Variants in CNTNAP3B observed in about 807,000 individuals in gnomAD.
The protein encoded by CNTNAP3B is contactin associated protein family member 3B.
In CNTNAP3B, 25 loss-of-function variants were observed where a neutral mutation model predicts 108.9. That is an observed-to-expected ratio of 0.23 (90% confidence interval 0.17 to 0.32). CNTNAP3B has a LOEUF of 0.32. Among genes scored for constraint, CNTNAP3B ranks in the 10% least tolerant of loss-of-function variants. CNTNAP3B has a pLI of 1.00. For missense variants in CNTNAP3B, 252 were observed against 1,210.4 expected (o/e 0.21, Z 11.75); for synonymous variants, 103 against 473.4 (o/e 0.22, Z 10.16).
At chr9:42,116,112 G>A (rs193247467) in intron 1 of CNTNAP3B, among the ~76,000 whole-genome samples, 1,888 of 139,548 alleles carry the variant, frequency 0.014, 278 homozygotes, top group Non-Finnish European at 0.02. Flanking sequence ...CTGGAAGAAA[G>A]GGTATCAGTG....
Position 41,953,395 on chromosome 9 carries a change from A to G in CNTNAP3B, c.1877-9T>C, listed in dbSNP as rs1178502732. 1 of 1,535,806 alleles carries G rather than the reference A, an allele frequency of 6.5e-7. No homozygotes were observed. ...CGTCCACGCGGAGTCTGCTGAGCAG[A>G]AACGGGCAAAGGAGAGGCATCACTG... On this transcript the variant is annotated splice_polypyrimidine_tract_variant and intron_variant, in intron 12 of 23. Coordinates refer to ENST00000377561, the MANE Select transcript of CNTNAP3B (RefSeq NM_001201380.3).
chr9:42,088,663 G>A (rs1374779723), intron 2 of CNTNAP3B, among the ~76,000 whole-genome samples: 1 of 137,962 alleles, frequency 7.2e-6, no homozygotes, highest in South Asian at 2.4e-4. Context: ...ATTGTCATAT[G>A]CTACAAATCT....
intron 9 of CNTNAP3B, among the ~76,000 whole-genome samples, chr9:41,974,121 A>AG (rs1299554500): frequency 9.6e-6 from 1 of 104,454 alleles, no homozygotes; most frequent in Non-Finnish European, 1.9e-5. Flanking sequence ...CTGGGATTAC[A>AG]GGTGAGAGCC....
At chr9:41,941,975 C>T (rs1183990578) in intron 13 of CNTNAP3B, among the ~76,000 whole-genome samples, 3 of 152,296 alleles carry the variant, frequency 2.0e-5, no homozygotes, top group South Asian at 2.1e-4. Flanking sequence ...AAGCGCTGAA[C>T]ATTATGTTCT....
In CNTNAP3B at chr9:42,127,147, T is replaced by C. The variant is rs543209906; in HGVS notation, c.85+1863A>G. Among the ~76,000 whole-genome samples the C allele has an allele frequency of 8.6e-4, 119 of 138,908 alleles. 21 individuals carry two copies. The highest frequency in any genetic ancestry group is 3.3e-3 in the African/African-American group (116 of 34,920). The allele number at this position is 138,908 out of a possible 152,430, so 91.1% of individuals were successfully genotyped here. A position where few individuals can be genotyped will look rare whatever the true frequency, so the allele number is the denominator to read the frequency against. ...TTAGATATGAGGATACTAAGTTTCATCAACGAAAGAAGACTGAAAACACCC... is the reference window on the plus strand; with the variant it reads ...TTAGATATGAGGATACTAAGTTTCACCAACGAAAGAAGACTGAAAACACCC... On this transcript the variant is annotated intron_variant, in intron 1 of 23. Coordinates refer to ENST00000377561, the MANE Select transcript of CNTNAP3B (RefSeq NM_001201380.3).
intron 3 of CNTNAP3B, among the ~76,000 whole-genome samples, chr9:42,070,568 C>T (rs1375440237): frequency 2.8e-4 from 41 of 146,388 alleles, no homozygotes; most frequent in Non-Finnish European, 4.5e-5. Flanking sequence ...CTCTCTTTTC[C>T]CTACTGTCAA....
At chr9:42,116,478 G>T (rs1295022232) in intron 1 of CNTNAP3B, among the ~76,000 whole-genome samples, 2 of 132,326 alleles carry the variant, frequency 1.5e-5, no homozygotes, top group Admixed American at 1.5e-4. Context: ...AATGCTGAGA[G>T]ATTCTGTCAC....
At chr9:42,023,406 C>T (rs1360455707) in intron 3 of CNTNAP3B, among the ~76,000 whole-genome samples, 11 of 150,188 alleles carry the variant, frequency 7.3e-5, no homozygotes, top group African/African-American at 2.7e-4. Flanking sequence ...TACAGATCTT[C>T]CACTGCTAAC....
intron 13 of CNTNAP3B, among the ~76,000 whole-genome samples, chr9:41,943,080 G>T (rs1173849815): frequency 1.3e-5 from 2 of 152,282 alleles, no homozygotes; most frequent in Admixed American, 1.3e-4. Flanking sequence ...ATATGCTAAG[G>T]GCTCTATGTT....
intron 1 of CNTNAP3B, among the ~76,000 whole-genome samples, chr9:42,119,299 A>G (rs1204516996): frequency 7.8e-6 from 1 of 127,952 alleles, no homozygotes; most frequent in Admixed American, 7.9e-5. Flanking sequence ...TTCAAGGAGA[A>G]CTACAAACCA....
chr9:41,952,271 T>C (rs1310660653), intron 13 of CNTNAP3B, among the ~76,000 whole-genome samples: 4 of 152,184 alleles, frequency 2.6e-5, no homozygotes, highest in Admixed American at 6.5e-5. Flanking sequence ...GCTACCGACA[T>C]ACACTGTTTT....
chr9:42,090,864 CACAT>C (rs1200629281), intron 2 of CNTNAP3B, among the ~76,000 whole-genome samples: 48 of 95,512 alleles, frequency 5.0e-4, no homozygotes, highest in South Asian at 1.0e-3. Context: ...CACACACACA[CACAT>C]ACATTCAGCT....
At chr9:41,961,230 T>G (rs375430346) in intron 11 of CNTNAP3B, among the ~76,000 whole-genome samples, 2 of 152,306 alleles carry the variant, frequency 1.3e-5, no homozygotes, top group Non-Finnish European at 2.9e-5. Flanking sequence ...GTGCTTACAG[T>G]GGGAATGCGA....
intron 14 of CNTNAP3B, among the ~76,000 whole-genome samples, chr9:41,933,496 T>C (rs1246343849): frequency 6.6e-6 from 1 of 152,270 alleles, no homozygotes; most frequent in African/African-American, 2.4e-5. Context: ...ATAAAAGTAC[T>C]GCAGTTATTC....
intron 1 of CNTNAP3B, among the ~76,000 whole-genome samples, chr9:42,119,530 T>A (rs1263545332): frequency 2.4e-5 from 3 of 125,830 alleles, no homozygotes; most frequent in African/African-American, 9.7e-5. Context: ...AAGTCAATCC[T>A]AAGCCAAAAG....
chr9:42,054,101 T>C (rs1314916040), intron 3 of CNTNAP3B, among the ~76,000 whole-genome samples: 2 of 144,308 alleles, frequency 1.4e-5, no homozygotes, highest in African/African-American at 2.7e-5. Flanking sequence ...TTCCTTATTG[T>C]AGATTACCCA....
At chr9:42,019,591 CAAAAAAAAAA>C (rs569640352) in intron 3 of CNTNAP3B, among the ~76,000 whole-genome samples, 1 of 100,814 alleles carries the variant, frequency 9.9e-6, no homozygotes, top group Non-Finnish European at 1.9e-5. Context: ...ATCTCTACTT[CAAAAAAAAAA>C]AAAAAAAAAA....
rs905830285 is a variant in CNTNAP3B at position 42,016,957 on chromosome 9, T to C, written c.391-3432A>G. Among the ~76,000 whole-genome samples the C allele has an allele frequency of 1.3e-4, 20 of 151,952 alleles. No homozygotes were observed. In the South Asian group the frequency reaches 3.3e-3, roughly 25 times the overall value. On this transcript the variant is annotated intron_variant, in intron 3 of 23. Transcript: ENST00000377561. Reference sequence around the variant, plus strand: ...GTTCATGTATAAAAGCTCCATCTTATTGAAAGACAGTCACTTAAGTTTGAT... The same window carrying C: ...GTTCATGTATAAAAGCTCCATCTTACTGAAAGACAGTCACTTAAGTTTGAT...
At chr9:41,986,491 TA>T (rs1241623117) in intron 8 of CNTNAP3B, among the ~76,000 whole-genome samples, 180 bp from the exon 9 acceptor site, 4 of 142,950 alleles carry the variant, frequency 2.8e-5, no homozygotes, top group Non-Finnish European at 6.1e-5. Context: ...ATTATGAAAA[TA>T]ACACATGAAT....
Sources: allele counts gnomAD v4.1 joint callset (sites outside exome capture counted in the v4.1 genomes callset), GRCh38; gene constraint gnomAD v4.1.1; transcripts MANE v1.5; gene names NCBI Gene and HGNC (gene_info 2026-07-23, HGNC 2026-07-21).